ADGRB3: variants seen among roughly 807,000 people sequenced by gnomAD.
The protein encoded by ADGRB3 is brain-specific angiogenesis inhibitor 3.
Under a neutral mutation model 193.4 loss-of-function variants are expected in ADGRB3, and 37 were observed. That is an observed-to-expected ratio of 0.19 (90% CI 0.15 to 0.25). The LOEUF is 0.25. ADGRB3 is among the 10% of genes least tolerant of loss of function. The pLI is 1.00. For missense variants in ADGRB3, 1,637 were observed against 1,852.9 expected (o/e 0.88, Z 2.14); for synonymous variants, 690 against 644.2 (o/e 1.07, Z -1.08).
At chr6:68,741,517 G>A (rs534147184) in intron 3 of ADGRB3, among the ~76,000 whole-genome samples, 2 of 152,220 alleles carry the variant, frequency 1.3e-5, no homozygotes, top group South Asian at 4.2e-4. Context: ...CTCCCGAGTA[G>A]CTGGGACTAC....
At chr6:68,823,062 A>G (rs1767776778) in intron 3 of ADGRB3, among the ~76,000 whole-genome samples, 1 of 152,022 alleles carries the variant, frequency 6.6e-6, no homozygotes, top group Admixed American at 6.6e-5. Flanking sequence ...CAGGAAAGGA[A>G]GGAAAATTTT....
chr6:68,770,720 A>T (rs1039489849), intron 3 of ADGRB3, among the ~76,000 whole-genome samples: 2 of 152,120 alleles, frequency 1.3e-5, no homozygotes, highest in African/African-American at 4.8e-5. Context: ...ATAAGAGGAA[A>T]CTGAAATTCT....
chr6:68,794,891 C>G (rs976406592), intron 3 of ADGRB3, among the ~76,000 whole-genome samples: 1 of 152,042 alleles, frequency 6.6e-6, no homozygotes, highest in Non-Finnish European at 1.5e-5. Context: ...CCTAAGATGG[C>G]AAAACACTCT....
intron 3 of ADGRB3, among the ~76,000 whole-genome samples, chr6:68,729,455 A>G (rs1214611290): frequency 6.6e-6 from 1 of 151,682 alleles, no homozygotes; most frequent in Non-Finnish European, 1.5e-5. Flanking sequence ...AGCTTGATGA[A>G]TACTGTGGCT....
intron 3 of ADGRB3, among the ~76,000 whole-genome samples, chr6:68,773,879 C>T (rs1296465985): frequency 6.6e-6 from 1 of 151,910 alleles, no homozygotes; most frequent in African/African-American, 2.4e-5. Flanking sequence ...CTTAAGGAGA[C>T]TTAGATGTAA....
intron 20 of ADGRB3, among the ~76,000 whole-genome samples, chr6:69,260,021 CT>C (rs1766889118): frequency 6.6e-6 from 1 of 151,986 alleles, no homozygotes; most frequent in South Asian, 2.1e-4. Flanking sequence ...ATAGGGATAC[CT>C]TGTGTAAAGT....
intron 3 of ADGRB3, among the ~76,000 whole-genome samples, chr6:68,705,778 T>C (rs1206560627): frequency 6.6e-6 from 1 of 152,206 alleles, no homozygotes; most frequent in East Asian, 1.9e-4. Context: ...GTGGAAAAGA[T>C]ACTTCAGCAT....
intron 17 of ADGRB3, among the ~76,000 whole-genome samples, chr6:69,184,452 G>A (rs1765028033): frequency 6.6e-6 from 1 of 152,012 alleles, no homozygotes; most frequent in Non-Finnish European, 1.5e-5. Flanking sequence ...AAAAGAAAAA[G>A]ACCTAGGCAG....
chr6:69,337,808 A>G (rs1048925181), intron 24 of ADGRB3, among the ~76,000 whole-genome samples: 5 of 152,194 alleles, frequency 3.3e-5, no homozygotes, highest in Admixed American at 2.0e-4. Context: ...AAAATAAACC[A>G]GAGTTCTAAA....
In ADGRB3 at chr6:69,254,252, G is replaced by A. The variant is rs534012749; in HGVS notation, c.2814+15026G>A. Among the ~76,000 whole-genome samples the A allele has an allele frequency of 9.2e-5, 14 of 152,212 alleles. No homozygotes were observed. The South Asian group carries it at 2.9e-3, about 32-fold the overall frequency. On this transcript the variant is annotated intron_variant, in intron 20 of 31. Coordinates refer to ENST00000370598, the MANE Select transcript of ADGRB3 (RefSeq NM_001704.3). Reference sequence around the variant, plus strand: ...TATTTAGCCCCTTTTAAACTGCTCAGCATCAAAATATCTGAAAACAGTTGC... The same window carrying A: ...TATTTAGCCCCTTTTAAACTGCTCAACATCAAAATATCTGAAAACAGTTGC...
chr6:69,387,371 T>A (rs1214591137), intron 31 of ADGRB3, among the ~76,000 whole-genome samples: 3 of 152,126 alleles, frequency 2.0e-5, no homozygotes, highest in African/African-American at 7.2e-5. Context: ...CTGTAATTCA[T>A]GAGACTTTAG....
rs189528726 is a variant in ADGRB3, at chr6:69,064,090, G to A, written c.2436+1054G>A. Among the ~76,000 whole-genome samples the A allele has an allele frequency of 7.2e-4, 110 of 151,846 alleles. 1 individual carries two copies. The East Asian group carries it at 0.019, about 26-fold the overall frequency. On this transcript the variant is annotated intron_variant, in intron 16 of 31. Transcript: ENST00000370598. ...ACATTCTTTTGGCTGTAAAATTTGT[G>A]TATTTTCTACTATTGTGTAGTTTCT...
chr6:68,882,921 T>A (rs1765773596), intron 3 of ADGRB3, among the ~76,000 whole-genome samples: 1 of 152,020 alleles, frequency 6.6e-6, no homozygotes, highest in African/African-American at 2.4e-5. Context: ...TGAGACAGAG[T>A]CTTGGTCTGT....
chr6:68,737,268 C>T (rs1194356108), intron 3 of ADGRB3, among the ~76,000 whole-genome samples: 2 of 152,058 alleles, frequency 1.3e-5, no homozygotes, highest in African/African-American at 4.8e-5. Flanking sequence ...TCCTTCATAG[C>T]ACTGAGTATT....
chr6:69,003,377 G>A (rs533397221), intron 11 of ADGRB3, among the ~76,000 whole-genome samples: 3 of 152,156 alleles, frequency 2.0e-5, no homozygotes, highest in African/African-American at 7.2e-5. Context: ...AAAGGGCAGG[G>A]AATGTATCAG....
In ADGRB3 at chr6:69,014,117, G is replaced by C. The variant is rs1333856591; in HGVS notation, c.1998+11G>C. Reference sequence around the variant, plus strand: ...GAAGATGCACAACAGGTAAGGTTAGGGTTATTTCAGAACTTGAAGTTGGCA... The same window carrying C: ...GAAGATGCACAACAGGTAAGGTTAGCGTTATTTCAGAACTTGAAGTTGGCA... On this transcript the variant is annotated intron_variant, in intron 12 of 31. Transcript: ENST00000370598. 3 of 1,576,524 alleles carry C rather than the reference G, an allele frequency of 1.9e-6. No homozygotes were observed. The highest frequency in any genetic ancestry group is 2.6e-6 in the Non-Finnish European group (3 of 1,159,624).
rs145867213 is a variant in ADGRB3 at position 69,171,512 on chromosome 6, C to A, written c.2481-61778C>A. On this transcript the variant is annotated intron_variant, in intron 17 of 31. Transcript: ENST00000370598. ...CTATGGGGTAAGGTAACTCAAAGTT[C>A]TAGTTGTATGAAGATGCATATGATT... Among the ~76,000 whole-genome samples, 389 of 152,224 alleles carry A rather than the reference C, an allele frequency of 2.6e-3. 1 individual carries two copies. The highest frequency in any genetic ancestry group is 9.2e-3 in the African/African-American group (382 of 41,532).
chr6:69,313,340 C>T (rs1222936387), intron 20 of ADGRB3, among the ~76,000 whole-genome samples: 1 of 151,748 alleles, frequency 6.6e-6, no homozygotes, highest in Non-Finnish European at 1.5e-5. Flanking sequence ...CAGGATGCCC[C>T]TAAATCAAAA....
At chr6:69,093,672 CG>C (rs1186501065) in intron 17 of ADGRB3, among the ~76,000 whole-genome samples, 11 of 147,964 alleles carry the variant, frequency 7.4e-5, no homozygotes, top group African/African-American at 2.8e-4. Context: ...AGCCTGGGTT[CG>C]GGGGGATATA....
Sources: allele counts gnomAD v4.1 joint callset (sites outside exome capture counted in the v4.1 genomes callset), GRCh38; gene constraint gnomAD v4.1.1; transcripts MANE v1.5; gene names NCBI Gene and HGNC (gene_info 2026-07-23, HGNC 2026-07-21).